Variants in RB1CC1 observed in about 807,000 individuals in gnomAD.
The protein encoded by RB1CC1 is RB1 inducible coiled-coil 1.
RB1CC1 carries 46 observed loss-of-function variants against 177.5 expected under a neutral mutation model. The ratio of observed to expected loss-of-function variants is 0.26; its 90% CI spans 0.20 to 0.33. RB1CC1 has a LOEUF of 0.33. Among genes scored for constraint, RB1CC1 ranks in the 10% least tolerant of loss-of-function variants. The probability of loss-of-function intolerance (pLI) is 1.00; values close to 1 mark genes in which losing one functional copy is unlikely to be tolerated. For missense variants in RB1CC1, 1,703 were observed against 1,816.3 expected (o/e 0.94, Z 1.13); for synonymous variants, 666 against 613.6 (o/e 1.09, Z -1.26).
intron 22 of RB1CC1, among the ~76,000 whole-genome samples, chr8:52,625,346 A>C (rs914143064): frequency 6.6e-6 from 1 of 152,158 alleles, no homozygotes; most frequent in African/African-American, 2.4e-5. Context: ...AAAATTCTAG[A>C]AGGGCAGTAC....
At position 52,661,045 on chromosome 8, in the gene RB1CC1, C is replaced by A. The variant is rs745441262; in HGVS notation, c.1546-38G>T. On this transcript the variant is annotated intron_variant, in intron 10 of 23. Coordinates refer to ENST00000025008, the MANE Select transcript of RB1CC1 (RefSeq NM_014781.5). ...AGCTTATGTTAAACATAAACATACA[C>A]CAATTCGTTAAAGTTCATATACAGT... 4 of 1,611,104 alleles carry A rather than the reference C, an allele frequency of 2.5e-6. No homozygotes were observed. The African/African-American group carries it at 5.4e-5, about 22-fold the overall frequency.
At chr8:52,698,512 ACT>A (rs1262090260) in intron 1 of RB1CC1, among the ~76,000 whole-genome samples, 2 of 151,230 alleles carry the variant, frequency 1.3e-5, no homozygotes, top group Non-Finnish European at 2.9e-5. Context: ...ACGGGGTTTC[ACT>A]GTGTTAGCCA....
At chr8:52,700,717 C>G (rs914163134) in intron 1 of RB1CC1, among the ~76,000 whole-genome samples, 1 of 152,152 alleles carries the variant, frequency 6.6e-6, no homozygotes, top group African/African-American at 2.4e-5. Context: ...ACTAAATATG[C>G]TTTACTAAAT....
chr8:52,644,835 A>G (rs531948858), intron 16 of RB1CC1, among the ~76,000 whole-genome samples: 2 of 152,226 alleles, frequency 1.3e-5, no homozygotes, highest in Non-Finnish European at 2.9e-5. Context: ...ATAATATTAC[A>G]TGTGTACAAT....
chr8:52,688,543 T>C (rs1483865651), intron 1 of RB1CC1, among the ~76,000 whole-genome samples: 1 of 152,180 alleles, frequency 6.6e-6, no homozygotes, highest in Non-Finnish European at 1.5e-5. Flanking sequence ...TCTCAAACCC[T>C]GTTTTCTGTT....
intron 22 of RB1CC1, among the ~76,000 whole-genome samples, 174 bp downstream of exon 22, chr8:52,627,858 T>A (rs1848503512): frequency 2.0e-5 from 3 of 152,122 alleles, no homozygotes; most frequent in Admixed American, 2.0e-4. Flanking sequence ...TTCTGAATTG[T>A]AAATGGAATC....
intron 1 of RB1CC1, among the ~76,000 whole-genome samples, chr8:52,690,359 C>A (rs973059089): frequency 2.0e-5 from 3 of 152,160 alleles, no homozygotes; most frequent in African/African-American, 7.2e-5. Flanking sequence ...TGTGCCAGGA[C>A]TGGGTATTCT....
At chr8:52,675,973 T>C (rs1472938482) in intron 6 of RB1CC1, among the ~76,000 whole-genome samples, 1 of 151,930 alleles carries the variant, frequency 6.6e-6, no homozygotes, top group Non-Finnish European at 1.5e-5. Context: ...GATGGCAATA[T>C]TTACAAAGAA....
intron 1 of RB1CC1, among the ~76,000 whole-genome samples, chr8:52,703,134 T>A (rs1048657859): frequency 6.6e-6 from 1 of 152,038 alleles, no homozygotes; most frequent in East Asian, 1.9e-4. Flanking sequence ...AAAAAAGTAA[T>A]CAACTTGGTT....
chr8:52,626,067 C>T (rs958698109), intron 22 of RB1CC1, among the ~76,000 whole-genome samples: 1 of 152,118 alleles, frequency 6.6e-6, no homozygotes, highest in Non-Finnish European at 1.5e-5. Context: ...CACTTCACAG[C>T]CAATTACTAA....
Position 52,658,006 on chromosome 8 carries a change from C to T in RB1CC1, c.1912G>A (p.Glu638Lys). The T allele has an allele frequency of 6.2e-7, 1 of 1,613,638 alleles. No individual in the cohort carries two copies. Among genetic ancestry groups the T allele is most frequent in the Non-Finnish European group, 8.5e-7 (1 of 1,179,882 alleles). The change falls in exon 14 of 24, where the codon GAA becomes AAA. Residue 638 changes from glutamate (E) to lysine (K), a missense_variant. Transcript: ENST00000025008. ...GAAAGAATTGAATTTGCCTTTTGTT[C>T]ACTCAGTAGATCTGTAATGGTCTGT... ...MSQTITDLLS[E>K]QKASVSQTSP...
At chr8:52,671,803 C>T (rs1188751078) in intron 7 of RB1CC1, among the ~76,000 whole-genome samples, 1 of 152,100 alleles carries the variant, frequency 6.6e-6, no homozygotes, top group Non-Finnish European at 1.5e-5. Flanking sequence ...CTGCACAGAT[C>T]ATCCTAGCAC....
Position 52,643,741 on chromosome 8 carries a change from C to T in RB1CC1, c.3988-929G>A, listed in dbSNP as rs188646269. Among the ~76,000 whole-genome samples the T allele has an allele frequency of 3.5e-3, 519 of 148,710 alleles. 2 individuals are homozygous for T. The highest frequency in any genetic ancestry group is 5.2e-3 in the Non-Finnish European group (349 of 67,342). On this transcript the variant is annotated intron_variant, in intron 16 of 23. Coordinates refer to ENST00000025008, the MANE Select transcript of RB1CC1 (RefSeq NM_014781.5). ...AAAATTTACTTACAAGATTTTTGAG[C>T]TTCTTGAAATGTAAAAGCAATAGAT... is the stretch of plus-strand genomic sequence containing the variant.
rs1257082034 is a variant in RB1CC1, at chr8:52,686,865, T to C, written c.-64A>G. The C allele has an allele frequency of 1.5e-5, 7 of 455,466 alleles. No individual in the cohort carries two copies. The highest frequency in any genetic ancestry group is 3.1e-5 in the Non-Finnish European group (7 of 226,692). The allele number at this position is 455,466 out of a possible 1,614,324, so 28.2% of individuals were successfully genotyped here. On this transcript the variant is annotated 5_prime_UTR_variant, in exon 2 of 24. Coordinates refer to ENST00000025008, the MANE Select transcript of RB1CC1 (RefSeq NM_014781.5). ...AACTGTGACTTACCGTCAGGCACTG[T>C]GAAAAGGACTACCACTTTTCTTAAA...
intron 15 of RB1CC1, among the ~76,000 whole-genome samples, chr8:52,647,218 T>C (rs994765102): frequency 2.6e-5 from 4 of 152,196 alleles, no homozygotes; most frequent in African/African-American, 9.6e-5. Context: ...TCAGATAACC[T>C]TTCCTCCAAA....
rs1851179676 is a variant in RB1CC1 at position 52,657,445 on chromosome 8, T to C, written c.2384A>G (p.Asn795Ser). The stretch of plus-strand genomic sequence containing the variant: ...AACTCTACATCTTTCCAACTGGACA[T>C]TCAGAGAAGTATGATCTCCAAAATC... Reference protein sequence around the residue: ...KEDFGDHTSLNVQLERCRVVA... With the variant: ...KEDFGDHTSLSVQLERCRVVA... Residue 795 changes from asparagine (N) to serine (S), a missense_variant, in exon 15 of 24, where the codon AAT (asparagine) becomes AGT (serine). This residue lies in a region of RB1CC1 where 1,169 missense variants were observed against 1,184.7 expected (regional missense o/e 0.99). Coordinates refer to ENST00000025008, the MANE Select transcript of RB1CC1 (RefSeq NM_014781.5). 6.2e-7 allele frequency: 1 copy of C among 1,613,766 alleles called. No homozygotes were observed. Among genetic ancestry groups the C allele is most frequent in the Non-Finnish European group, 8.5e-7 (1 of 1,180,000 alleles).
Position 52,642,767 on chromosome 8 carries a change from TTTC to T in RB1CC1, c.4030_4032del (p.Glu1344del). On this transcript the variant is annotated inframe_deletion, in exon 17 of 24. Coordinates refer to ENST00000025008, the MANE Select transcript of RB1CC1 (RefSeq NM_014781.5). ...TTATCACTAAGATCATTTATTATGT[TTTC>T]TTTTCTCATTTTCTCTCTTGTTAAA... 6.3e-7 allele frequency: 1 copy of T among 1,578,888 alleles called. No homozygotes were observed. Among genetic ancestry groups the T allele is most frequent in the African/African-American group, 1.4e-5 (1 of 73,020 alleles).
rs1447339283 is a variant in RB1CC1, at chr8:52,699,837, A to G, written c.-166-12870T>C. ...AAAAAAAAAAAAAAAAAAAATATATATATATATATATATATATATATACAC... is the reference window on the plus strand; with the variant it reads ...AAAAAAAAAAAAAAAAAAAATATATGTATATATATATATATATATATACAC... On this transcript the variant is annotated intron_variant, in intron 1 of 23. Coordinates refer to ENST00000025008, the MANE Select transcript of RB1CC1 (RefSeq NM_014781.5). Among the ~76,000 whole-genome samples the G allele has an allele frequency of 2.8e-4, 24 of 85,624 alleles. No homozygotes were observed. In the South Asian group the frequency reaches 0.011, roughly 38 times the overall value. The allele number at this position is 85,624 out of a possible 152,430, so 56.2% of individuals were successfully genotyped here.
At position 52,634,966 on chromosome 8, in the gene RB1CC1, T is replaced by A. The variant is rs1303929716; in HGVS notation, c.4395A>T (p.Thr1465=). Residue 1465 remains threonine, a splice_region_variant and synonymous_variant, in exon 20 of 24, where the codon ACA becomes ACT. Transcript: ENST00000025008. The part of the protein sequence containing the change: ...EKQRIMLLER[T]LQLKEEENKR... ...TATTTTCTTCTTCTTTCAATTGCAA[T>A]GTCTGCAGGTGGAAAAAAGAGACCT... 6.2e-7 allele frequency: 1 copy of A among 1,607,566 alleles called. No individual in the cohort carries two copies. The highest frequency in any genetic ancestry group is 8.5e-7 in the Non-Finnish European group (1 of 1,176,438).
Sources: gnomAD v4.1 joint callset for allele counts (sites outside exome capture counted in the v4.1 genomes callset) on GRCh38, gnomAD v4.1.1 for gene constraint, gnomAD v4.1.1 regional missense constraint, MANE v1.5 for transcripts, NCBI Gene and HGNC (gene_info 2026-07-23, HGNC 2026-07-21) for gene names.